Variants in NTM observed in about 807,000 individuals in gnomAD.
NTM encodes the protein neurotrimin.
Under a neutral mutation model 42.1 loss-of-function variants are expected in NTM, and 13 were observed. That is an observed-to-expected ratio of 0.31 (90% CI 0.20 to 0.49). NTM has a LOEUF of 0.49. Among genes scored for constraint, NTM ranks in the 20% least tolerant of loss-of-function variants. The pLI, the probability that NTM is intolerant of heterozygous loss-of-function variation, is 0.99. For synonymous variants in NTM, 187 were observed against 179.2 expected (o/e 1.04, Z -0.35); for missense variants, 373 against 452.8 (o/e 0.82, Z 1.60).
chr11:131,996,239 G>A (rs1303811741), intron 2 of NTM, among the ~76,000 whole-genome samples: 1 of 152,016 alleles, frequency 6.6e-6, no homozygotes, highest in African/African-American at 2.4e-5. Context: ...GGAATGGATT[G>A]GATGAGTCCA....
rs1371128951 is a variant in NTM at position 131,873,584 on chromosome 11, T to C, written c.83-37980T>C. Among the ~76,000 whole-genome samples the C allele has an allele frequency of 6.8e-5, 3 of 44,266 alleles. 1 individual carries two copies. Among genetic ancestry groups the C allele is most frequent in the Non-Finnish European group, 1.8e-4 (3 of 16,818 alleles). The allele number at this position is 44,266 out of a possible 152,430, so 29.0% of individuals were successfully genotyped here. A position where few individuals can be genotyped will look rare whatever the true frequency, so the allele number is the denominator to read the frequency against. On this transcript the variant is annotated intron_variant, in intron 1 of 8. Transcript: ENST00000683400. ...TACCGTATATATATACATATATATATACCGTATATATATACATATATATAT... is the reference window on the plus strand; with the variant it reads ...TACCGTATATATATACATATATATACACCGTATATATATACATATATATAT...
chr11:131,494,309 T>C (rs1955109882), intron 1 of NTM, among the ~76,000 whole-genome samples: 1 of 152,052 alleles, frequency 6.6e-6, no homozygotes, highest in African/African-American at 2.4e-5. Flanking sequence ...GATCAGGTTG[T>C]GGGAGGAGAG....
At chr11:131,993,819 G>A (rs1322177950) in intron 2 of NTM, among the ~76,000 whole-genome samples, 1 of 151,868 alleles carries the variant, frequency 6.6e-6, no homozygotes, top group African/African-American at 2.4e-5. Flanking sequence ...TGGCCAAGAT[G>A]GTAGAAACCC....
intron 2 of NTM, among the ~76,000 whole-genome samples, chr11:132,049,997 A>C (rs530294356): frequency 6.6e-6 from 1 of 152,284 alleles, no homozygotes; most frequent in African/African-American, 2.4e-5. Context: ...TCTCTCTCCC[A>C]GCTTTCCCAC....
intron 7 of NTM, among the ~76,000 whole-genome samples, chr11:132,327,302 G>T (rs987299052): frequency 2.6e-5 from 4 of 152,192 alleles, no homozygotes; most frequent in African/African-American, 9.7e-5. Context: ...GTATCAGTGG[G>T]CTGGTAAAGG....
At chr11:132,304,639 C>A (rs578094193) in intron 4 of NTM, among the ~76,000 whole-genome samples, 1 of 152,134 alleles carries the variant, frequency 6.6e-6, no homozygotes, top group Non-Finnish European at 1.5e-5. Flanking sequence ...TGTAAACTGA[C>A]CAACTTTCTC....
chr11:131,694,612 A>T (rs2075203443), intron 1 of NTM, among the ~76,000 whole-genome samples: 1 of 152,194 alleles, frequency 6.6e-6, no homozygotes, highest in Non-Finnish European at 1.5e-5. Flanking sequence ...CGGGAAGTGC[A>T]GTGAATGAGC....
At chr11:131,765,568 T>C (rs922395918) in intron 1 of NTM, among the ~76,000 whole-genome samples, 9 of 152,238 alleles carry the variant, frequency 5.9e-5, no homozygotes, top group Admixed American at 2.0e-4. Flanking sequence ...TATTCATTAG[T>C]ACATGTCCTA....
At position 132,268,670 on chromosome 11, in the gene NTM, C is replaced by CTGTG. The variant is rs780327988; in HGVS notation, c.527-38993_527-38990dup. ...GTGGTGTGGGGTCCTCTCTCTCTCT[C>CTGTG]TGTGTGTGTGTGTGTGTGTGTGTGT... On this transcript the variant is annotated intron_variant, in intron 4 of 8. Coordinates refer to ENST00000683400, the MANE Select transcript of NTM (RefSeq NM_001352005.2). Among the ~76,000 whole-genome samples the CTGTG allele has an allele frequency of 1.5e-3, 224 of 146,420 alleles. 1 individual carries two copies. Among genetic ancestry groups the CTGTG allele is most frequent in the South Asian group, 6.2e-3 (28 of 4,482 alleles).
In NTM at chr11:131,370,756, GA is replaced by G. The variant is rs766704103; in HGVS notation, c.-44del. On this transcript the variant is annotated 5_prime_UTR_variant, in exon 1 of 9. Transcript: ENST00000683400. ...CACAATCTATCAGGAAAGAAAGAAA[GA>G]AAAAAACCGAACCTGACAAAAAAGA... 216 of 1,503,890 alleles carry G rather than the reference GA, an allele frequency of 1.4e-4. 1 individual carries two copies. The East Asian group carries it at 4.4e-3, about 31-fold the overall frequency. The allele number at this position is 1,503,890 out of a possible 1,614,324, so 93.2% of individuals were successfully genotyped here. A position where few individuals can be genotyped will look rare whatever the true frequency, so the allele number is the denominator to read the frequency against.
chr11:132,333,124 T>C (rs1004796694), intron 8 of NTM, among the ~76,000 whole-genome samples: 12 of 152,232 alleles, frequency 7.9e-5, no homozygotes, highest in Middle Eastern at 3.4e-3. Flanking sequence ...AATTGTACGG[T>C]GTGATTCACG....
At chr11:131,826,571 A>AG (rs1443336036) in intron 1 of NTM, among the ~76,000 whole-genome samples, 2 of 151,706 alleles carry the variant, frequency 1.3e-5, no homozygotes, top group African/African-American at 4.8e-5. Flanking sequence ...TTCTAAAAAA[A>AG]AAAAAGTCAG....
chr11:131,586,889 C>T lies in NTM; in HGVS notation c.82+216001C>T, dbSNP rs182694452. Among the ~76,000 whole-genome samples, 11 of 152,238 alleles carry T rather than the reference C, an allele frequency of 7.2e-5. No individual in the cohort carries two copies. The East Asian group carries it at 1.9e-3, about 27-fold the overall frequency. Reference sequence around the variant, plus strand: ...TCTATATCACTTATCTCACACTAACCGTTTCTGAACCTAGAGCAACTTCAG... The same window carrying T: ...TCTATATCACTTATCTCACACTAACTGTTTCTGAACCTAGAGCAACTTCAG... On this transcript the variant is annotated intron_variant, in intron 1 of 8. Coordinates refer to ENST00000683400, the MANE Select transcript of NTM (RefSeq NM_001352005.2).
At chr11:131,772,362 C>T (rs2086247073) in intron 1 of NTM, among the ~76,000 whole-genome samples, 1 of 152,186 alleles carries the variant, frequency 6.6e-6, no homozygotes, top group African/African-American at 2.4e-5. Flanking sequence ...GATATCACCC[C>T]TGTGACTAGA....
At chr11:132,182,217 C>T (rs1484541186) in intron 3 of NTM, among the ~76,000 whole-genome samples, 3 of 152,034 alleles carry the variant, frequency 2.0e-5, no homozygotes, top group Admixed American at 6.6e-5. Context: ...AAGTTCCTAA[C>T]CTTACAATTC....
chr11:131,661,203 C>A, intron 1 of NTM: 1 of 389,780 alleles, frequency 2.6e-6, no homozygotes, highest in Non-Finnish European at 4.8e-6. Context: ...AGGGGTTTGT[C>A]CTGTGACACA....
At chr11:131,530,931 A>T (rs2051177548) in intron 1 of NTM, among the ~76,000 whole-genome samples, 1 of 152,208 alleles carries the variant, frequency 6.6e-6, no homozygotes, top group Non-Finnish European at 1.5e-5. Context: ...GGAGAACAGT[A>T]GTGGGAGGTA....
chr11:131,883,927 A>G (rs984627215), intron 1 of NTM, among the ~76,000 whole-genome samples: 1 of 152,142 alleles, frequency 6.6e-6, no homozygotes, highest in African/African-American at 2.4e-5. Context: ...TATTAAAGGG[A>G]TGCATGTTTG....
At chr11:132,259,780 C>G (rs1257096087) in intron 4 of NTM, among the ~76,000 whole-genome samples, 2 of 151,874 alleles carry the variant, frequency 1.3e-5, no homozygotes, top group South Asian at 2.1e-4. Context: ...GACGGAGTCT[C>G]TCTCTGTCGC....
Sources: allele counts gnomAD v4.1 joint callset (sites outside exome capture counted in the v4.1 genomes callset), GRCh38; gene constraint gnomAD v4.1.1; transcripts MANE v1.5; gene names NCBI Gene and HGNC (gene_info 2026-07-23, HGNC 2026-07-21).